Variants in SPATS1 observed in about 807,000 individuals in gnomAD.
The protein encoded by SPATS1 is spermatogenesis-associated serine-rich protein 1.
A neutral mutation model predicts 33.6 loss-of-function variants in SPATS1; 23 were observed. The ratio of observed to expected loss-of-function variants is 0.68; its 90% CI spans 0.49 to 0.97. The LOEUF (loss-of-function observed/expected upper bound fraction) is 0.97. Ranked by LOEUF, SPATS1 falls within the 50% of genes least tolerant of loss-of-function variation. SPATS1 has a pLI of 0.00. For synonymous variants in SPATS1, 131 were observed against 125.6 expected (o/e 1.04, Z -0.29); for missense variants, 327 against 361.0 (o/e 0.91, Z 0.76).
At chr6:44,349,647 T>C (rs1788118077) in intron 2 of SPATS1, among the ~76,000 whole-genome samples, 2 of 152,228 alleles carry the variant, frequency 1.3e-5, no homozygotes, top group African/African-American at 2.4e-5. Context: ...GCTATTACAA[T>C]TGATGGTGCC....
intron 2 of SPATS1, among the ~76,000 whole-genome samples, chr6:44,345,112 T>C (rs1406619499): frequency 6.6e-6 from 1 of 152,066 alleles, no homozygotes; most frequent in African/African-American, 2.4e-5. Context: ...GCGTCAGTAT[T>C]AGTAAGTGTT....
intron 1 of SPATS1, 100 bp downstream of exon 1, chr6:44,342,868 GC>G (rs1215410548): frequency 9.3e-6 from 12 of 1,295,834 alleles, no homozygotes; most frequent in South Asian, 1.3e-5. Flanking sequence ...CTGGATGGGG[GC>G]TGCAGCGAGC....
chr6:44,372,417 T>C (rs1040149250), intron 7 of SPATS1, among the ~76,000 whole-genome samples: 12 of 151,882 alleles, frequency 7.9e-5, no homozygotes, highest in African/African-American at 2.9e-4. Context: ...TTTTATATTG[T>C]TGAGTATTTG....
chr6:44,342,888 G>T (rs1303525776), intron 1 of SPATS1, 120 bp downstream of exon 1: 2 of 1,284,618 alleles, frequency 1.6e-6, no homozygotes. Flanking sequence ...GCCTGGTTCG[G>T]GCTGGGGGCG....
chr6:44,354,381 A>G (rs1400685017), intron 3 of SPATS1, among the ~76,000 whole-genome samples: 1 of 151,650 alleles, frequency 6.6e-6, no homozygotes, highest in Non-Finnish European at 1.5e-5. Flanking sequence ...AAATGTCACT[A>G]TAATTTCACA....
intron 2 of SPATS1, among the ~76,000 whole-genome samples, chr6:44,348,032 A>T: frequency 6.8e-6 from 1 of 147,372 alleles, no homozygotes; most frequent in African/African-American, 2.5e-5. Flanking sequence ...TTTGGGATGG[A>T]GTCTCACTCT....
chr6:44,373,991 A>T (rs1789781798), intron 7 of SPATS1, among the ~76,000 whole-genome samples: 1 of 152,238 alleles, frequency 6.6e-6, no homozygotes. Context: ...AATTGAAAGC[A>T]AATATGGTAC....
Position 44,343,548 on chromosome 6 carries a change from C to T in SPATS1, c.139+314C>T, listed in dbSNP as rs546685271. 1.7e-4 allele frequency: 85 copies of T among 493,352 alleles called. 1 individual carries two copies. The highest frequency in any genetic ancestry group is 1.3e-3 in the South Asian group (83 of 64,246). The allele number at this position is 493,352 out of a possible 1,614,324, so 30.6% of individuals were successfully genotyped here. A position where few individuals can be genotyped will look rare whatever the true frequency, so the allele number is the denominator to read the frequency against. On this transcript the variant is annotated intron_variant, in intron 2 of 8. Coordinates refer to ENST00000674044, the MANE Select transcript of SPATS1 (RefSeq NM_001372081.1). ...AGTGCTTGGGTTAATAAAAGGTGAG[C>T]CTGGGATTTGACATGAGCCTGGGAT...
intron 7 of SPATS1, among the ~76,000 whole-genome samples, chr6:44,371,665 G>T (rs777179992): frequency 1.1e-4 from 17 of 152,108 alleles, no homozygotes; most frequent in Non-Finnish European, 1.8e-4. Context: ...TTGTTTGTGG[G>T]CTGGGCGCGG....
At chr6:44,363,590 CTCCTT>C (rs960945479) in intron 5 of SPATS1, among the ~76,000 whole-genome samples, 4 of 152,104 alleles carry the variant, frequency 2.6e-5, no homozygotes, top group African/African-American at 4.8e-5. Context: ...ATTCTTCCCT[CTCCTT>C]TCCTTTCTTT....
chr6:44,351,621 A>C (rs1032873251), intron 2 of SPATS1, among the ~76,000 whole-genome samples: 1 of 152,230 alleles, frequency 6.6e-6, no homozygotes, highest in East Asian at 1.9e-4. Context: ...GATGAGGTAC[A>C]TAACTGTATG....
chr6:44,372,442 TTTTTA>T (rs529955150), intron 7 of SPATS1, among the ~76,000 whole-genome samples: 30 of 150,856 alleles, frequency 2.0e-4, no homozygotes, highest in African/African-American at 6.8e-4. Flanking sequence ...TTGTTGTCTT[TTTTTA>T]TTTTATTTTA....
rs61309717 is a variant in SPATS1 at position 44,361,356 on chromosome 6, G to A, written c.413-475G>A. The A allele has an allele frequency of 4.2e-3, 4,126 of 985,340 alleles. 132 individuals are homozygous for A. The African/African-American group carries it at 0.066, about 16-fold the overall frequency. The allele number at this position is 985,340 out of a possible 1,614,324, so 61.0% of individuals were successfully genotyped here. The stretch of plus-strand genomic sequence containing the variant: ...TGAAATTATCACAGGTCCATTTCCC[G>A]GTGTCACCGTAGCACATGCGCGTGC... On this transcript the variant is annotated intron_variant, in intron 4 of 8. Transcript: ENST00000674044.
intron 2 of SPATS1, among the ~76,000 whole-genome samples, chr6:44,345,637 A>T (rs1334329602): frequency 6.6e-6 from 1 of 152,164 alleles, no homozygotes; most frequent in Non-Finnish European, 1.5e-5. Flanking sequence ...ATGGCCAAAA[A>T]TTACCATAAG....
rs540820276 is a variant in SPATS1, at chr6:44,371,146, A to T, written c.758+1033A>T. On this transcript the variant is annotated intron_variant, in intron 7 of 8. Coordinates refer to ENST00000674044, the MANE Select transcript of SPATS1 (RefSeq NM_001372081.1). Reference sequence around the variant, plus strand: ...CTATCTCTACAAAATATTTTTTTTAAAAATTAGCCAGGCATAGTGGTATGC... The same window carrying T: ...CTATCTCTACAAAATATTTTTTTTATAAATTAGCCAGGCATAGTGGTATGC... 3.9e-4 allele frequency among the ~76,000 whole-genome samples: 59 copies of T among 151,994 alleles called. 1 individual carries two copies. The East Asian group carries it at 7.3e-3, about 19-fold the overall frequency.
At position 44,368,492 on chromosome 6, in the gene SPATS1, T is replaced by A; in HGVS notation, c.688T>A (p.Phe230Ile). The A allele has an allele frequency of 8.7e-6, 14 of 1,611,072 alleles. No homozygotes were observed. The highest frequency in any genetic ancestry group is 1.2e-5 in the Non-Finnish European group (14 of 1,178,264). The change falls in exon 6 of 9, where the codon TTT (phenylalanine) becomes ATT (isoleucine). Residue 230 changes from phenylalanine to isoleucine, a missense_variant. By Grantham distance (21) the Phe-to-Ile change is conservative. Coordinates refer to ENST00000674044, the MANE Select transcript of SPATS1 (RefSeq NM_001372081.1). ...KAGSMLPPVN[F>I]SIVPYEKKFD... ...AGGATCAATGCTCCCACCAGTGAAT[T>A]TTTCAATGTAAGTGTATGTTAATAC...
intron 7 of SPATS1, among the ~76,000 whole-genome samples, chr6:44,372,527 A>G (rs1270185904): frequency 6.6e-6 from 1 of 151,760 alleles, no homozygotes; most frequent in Non-Finnish European, 1.5e-5. Context: ...CAGTGGCGCA[A>G]TCTGGGCTCA....
rs1398111387 is a variant in SPATS1 at position 44,374,706 on chromosome 6, TTTGA to T, written c.759-1648_759-1645del. Among the ~76,000 whole-genome samples, 120 of 152,266 alleles carry T rather than the reference TTTGA, an allele frequency of 7.9e-4. 1 individual carries two copies. Among genetic ancestry groups the T allele is most frequent in the Admixed American group, 6.1e-3 (94 of 15,288 alleles). ...TACATTTAGTGTGAGTCTTTCAGTG[TTTGA>T]TTGTTTCAACAAAGGCTGAAAAATG... On this transcript the variant is annotated intron_variant, in intron 7 of 8. Transcript: ENST00000674044.
intron 3 of SPATS1, among the ~76,000 whole-genome samples, chr6:44,356,223 G>T (rs190425470): frequency 6.6e-6 from 1 of 152,214 alleles, no homozygotes; most frequent in Admixed American, 6.5e-5. Context: ...TAGATTGACA[G>T]ATCATACTTG....
Sources: allele counts gnomAD v4.1 joint callset (sites outside exome capture counted in the v4.1 genomes callset), GRCh38; gene constraint gnomAD v4.1.1; transcripts MANE v1.5; gene names NCBI Gene and HGNC (gene_info 2026-07-23, HGNC 2026-07-21).